The following ADAM12 variants were observed in gnomAD, a reference collection of about 807,000 sequenced individuals.
ADAM12 encodes the protein disintegrin and metalloproteinase domain-containing protein 12.
A neutral mutation model predicts 106.4 loss-of-function variants in ADAM12; 70 were observed. That is an observed-to-expected ratio of 0.66 (90% CI 0.54 to 0.80). The LOEUF (loss-of-function observed/expected upper bound fraction) is 0.80, where lower values mean the gene tolerates loss of function less well. Ranked by LOEUF, ADAM12 falls within the 30% of genes least tolerant of loss-of-function variation. The probability of loss-of-function intolerance (pLI) is 0.00; values close to 1 mark genes in which losing one functional copy is unlikely to be tolerated. For missense variants in ADAM12, 1,010 were observed against 1,171.9 expected, an observed-to-expected ratio of 0.86 and a Z score of 2.02; for synonymous variants, 420 against 433.5, an observed-to-expected ratio of 0.97 and a Z score of 0.39.
chr10:126,182,970 G>C (rs1473806940), intron 3 of ADAM12, among the ~76,000 whole-genome samples: 1 of 152,210 alleles, frequency 6.6e-6, no homozygotes, highest in African/African-American at 2.4e-5. Flanking sequence ...AGCTTCATCT[G>C]TATTTACAGC....
chr10:126,197,044 G>C (rs983730608), intron 3 of ADAM12, among the ~76,000 whole-genome samples: 1 of 152,186 alleles, frequency 6.6e-6, no homozygotes, highest in African/African-American at 2.4e-5. Flanking sequence ...AGCTGCTGTG[G>C]CTTTAAGATG....
intron 1 of ADAM12, among the ~76,000 whole-genome samples, chr10:126,341,654 AGAG>A (rs1397139918): frequency 6.6e-6 from 1 of 152,212 alleles, no homozygotes; most frequent in Non-Finnish European, 1.5e-5. Flanking sequence ...AGCCAAATTA[AGAG>A]GAGAACAGAG....
At chr10:126,106,171 G>A (rs1407757941) in intron 8 of ADAM12, among the ~76,000 whole-genome samples, 2 of 152,104 alleles carry the variant, frequency 1.3e-5, no homozygotes, top group Non-Finnish European at 1.5e-5. Flanking sequence ...ATGAGGTCCC[G>A]GGACTCACAG....
At chr10:126,306,788 T>C in intron 2 of ADAM12, among the ~76,000 whole-genome samples, 1 of 152,188 alleles carries the variant, frequency 6.6e-6, no homozygotes, top group Non-Finnish European at 1.5e-5. Flanking sequence ...GTTTAATAGA[T>C]TTTCTCTTGG....
intron 11 of ADAM12, among the ~76,000 whole-genome samples, chr10:126,090,204 C>T (rs1392770729): frequency 1.3e-5 from 2 of 151,480 alleles, no homozygotes; most frequent in Non-Finnish European, 2.9e-5. Flanking sequence ...TAACACCTAT[C>T]AGTGTGTAAC....
At chr10:126,380,177 T>C (rs142933554) in intron 1 of ADAM12, among the ~76,000 whole-genome samples, 30 of 152,288 alleles carry the variant, frequency 2.0e-4, no homozygotes, top group African/African-American at 6.3e-4. Flanking sequence ...GCAAGGTATA[T>C]TGGGCATTCA....
intron 20 of ADAM12, among the ~76,000 whole-genome samples, chr10:126,037,992 A>T (rs777613419): frequency 6.6e-6 from 1 of 151,992 alleles, no homozygotes. Flanking sequence ...AGCTCACACT[A>T]TGCTGCACCA....
At chr10:126,286,815 G>A (rs1029477817) in intron 2 of ADAM12, among the ~76,000 whole-genome samples, 7 of 152,122 alleles carry the variant, frequency 4.6e-5, no homozygotes, top group Admixed American at 2.0e-4. Context: ...CAATTTTTCC[G>A]ATGGATAATT....
chr10:126,310,134 G>A lies in ADAM12; in HGVS notation c.186+20278C>T, dbSNP rs189447367. Among the ~76,000 whole-genome samples, 697 of 150,718 alleles carry A rather than the reference G, an allele frequency of 4.6e-3. 21 individuals carry two copies. The highest frequency in any genetic ancestry group is 4.1e-3 in the Admixed American group (62 of 15,096). On this transcript the variant is annotated intron_variant, in intron 2 of 22. Coordinates refer to ENST00000448723, the MANE Select transcript of ADAM12 (RefSeq NM_001288973.2). ...AGACTGAGCCACTGCACTCCAGCCT[G>A]GGTGACAGAGTGAGACTCTGTCTCA...
intron 3 of ADAM12, among the ~76,000 whole-genome samples, chr10:126,266,101 A>C (rs1959090415): frequency 1.3e-5 from 2 of 152,146 alleles, no homozygotes; most frequent in South Asian, 4.1e-4. Flanking sequence ...GGTACATAGC[A>C]ATTAACTGTT....
chr10:126,031,208 T>C (rs932226591), intron 21 of ADAM12, among the ~76,000 whole-genome samples: 2 of 152,234 alleles, frequency 1.3e-5, no homozygotes, highest in African/African-American at 4.8e-5. Context: ...GAAGCTCTCA[T>C]AAAACTCAGT....
At chr10:126,026,828 T>C (rs1953882760) in intron 21 of ADAM12, among the ~76,000 whole-genome samples, 1 of 151,722 alleles carries the variant, frequency 6.6e-6, no homozygotes, top group Non-Finnish European at 1.5e-5. Context: ...AAGATAAAGT[T>C]AACAAAGTTA....
intron 2 of ADAM12, among the ~76,000 whole-genome samples, chr10:126,302,366 C>A (rs1960661921): frequency 6.6e-6 from 1 of 152,158 alleles, no homozygotes; most frequent in Non-Finnish European, 1.5e-5. Flanking sequence ...TGTGTGTGAT[C>A]TCAAGGCATT....
chr10:126,250,829 G>A (rs4962532), intron 3 of ADAM12, among the ~76,000 whole-genome samples: 48,988 of 152,020 alleles, frequency 0.32, 8,109 homozygotes, highest in East Asian at 0.46. Flanking sequence ...AATCTTATTC[G>A]TATTTCTAAT....
At chr10:126,236,360 C>CG (rs1344198869) in intron 3 of ADAM12, among the ~76,000 whole-genome samples, 1 of 152,162 alleles carries the variant, frequency 6.6e-6, no homozygotes, top group Non-Finnish European at 1.5e-5. Flanking sequence ...GGGAAGCCCC[C>CG]GGGATAAGTG....
At chr10:126,076,389 T>C (rs1376015006) in intron 11 of ADAM12, among the ~76,000 whole-genome samples, 1 of 152,228 alleles carries the variant, frequency 6.6e-6, no homozygotes, top group Non-Finnish European at 1.5e-5. Context: ...TGAGGGCACG[T>C]GTCTTTTTGG....
intron 2 of ADAM12, among the ~76,000 whole-genome samples, chr10:126,284,332 CAAAAAAAA>C (rs58488226): frequency 2.1e-5 from 1 of 46,518 alleles, no homozygotes; most frequent in African/African-American, 8.2e-5. Flanking sequence ...GACTCCATCT[CAAAAAAAA>C]AAAAAAAAAA....
At chr10:126,362,179 T>A (rs1189284993) in intron 1 of ADAM12, among the ~76,000 whole-genome samples, 3 of 151,876 alleles carry the variant, frequency 2.0e-5, no homozygotes, top group Non-Finnish European at 4.4e-5. Flanking sequence ...AACAGATATA[T>A]GAAAAAAAGT....
intron 3 of ADAM12, among the ~76,000 whole-genome samples, chr10:126,276,147 T>C (rs1352006651): frequency 6.6e-6 from 1 of 152,212 alleles, no homozygotes; most frequent in Admixed American, 6.5e-5. Context: ...AGGTAAAACA[T>C]CTTTAAGCAC....
Sources: allele counts gnomAD v4.1 joint callset (sites outside exome capture counted in the v4.1 genomes callset), GRCh38; gene constraint gnomAD v4.1.1; transcripts MANE v1.5; gene names NCBI Gene and HGNC (gene_info 2026-07-23, HGNC 2026-07-21).